The following AGK variants were observed in gnomAD, a reference collection of about 807,000 sequenced individuals.
AGK encodes acylglycerol kinase, mitochondrial.
A neutral mutation model predicts 66.4 loss-of-function variants in AGK; 52 were observed. That is an observed-to-expected ratio of 0.78 (90% CI 0.63 to 0.99). The LOEUF is 0.99. Ranked by LOEUF, AGK falls within the 50% of genes least tolerant of loss-of-function variation. The pLI is 0.00. For missense variants in AGK, 451 were observed against 506.6 expected (o/e 0.89, Z 1.05); for synonymous variants, 182 against 181.1 (o/e 1.00, Z -0.04).
At chr7:141,609,154 A>G (rs1256030733) in intron 5 of AGK, among the ~76,000 whole-genome samples, 1 of 152,114 alleles carries the variant, frequency 6.6e-6, no homozygotes, top group African/African-American at 2.4e-5. Flanking sequence ...GTCATATAGG[A>G]CTTACTGGCT....
Position 141,563,876 on chromosome 7 carries a change from C to T in AGK, c.101+8309C>T, listed in dbSNP as rs1014168861. 3.3e-5 allele frequency among the ~76,000 whole-genome samples: 5 copies of T among 152,308 alleles called. No individual in the cohort carries two copies. In the South Asian group the frequency reaches 8.3e-4, roughly 25 times the overall value. ...AGATTCCTTGATCCAACACATCATA[C>T]GTTCCTCAACTCCATTTTTCACATG... On this transcript the variant is annotated intron_variant, in intron 2 of 15. Coordinates refer to ENST00000649286, the MANE Select transcript of AGK (RefSeq NM_018238.4).
intron 2 of AGK, among the ~76,000 whole-genome samples, chr7:141,578,090 A>T (rs549765008): frequency 3.9e-5 from 6 of 152,164 alleles, no homozygotes; most frequent in Non-Finnish European, 8.8e-5. Flanking sequence ...ACGCGCGTCC[A>T]TGTGAAGAGA....
rs116890958 is a variant in AGK at position 141,587,838 on chromosome 7, G to A, written c.102-5308G>A. ...ACTTCACTAGGACAGGGAATGTTGG[G>A]CTTATTCACCAGCGTGTCCAAGACA... On this transcript the variant is annotated intron_variant, in intron 2 of 15. Coordinates refer to ENST00000649286, the MANE Select transcript of AGK (RefSeq NM_018238.4). Among the ~76,000 whole-genome samples the A allele has an allele frequency of 9.5e-4, 144 of 152,280 alleles. 3 individuals carry two copies. The East Asian group carries it at 0.024, about 25-fold the overall frequency.
chr7:141,634,970 T>A (rs1188906090), intron 10 of AGK, among the ~76,000 whole-genome samples: 1 of 152,176 alleles, frequency 6.6e-6, no homozygotes, highest in African/African-American at 2.4e-5. Flanking sequence ...ATTTCACATC[T>A]TTTTATTTGC....
At chr7:141,602,014 G>C (rs997550217) in intron 5 of AGK, among the ~76,000 whole-genome samples, 5 of 151,206 alleles carry the variant, frequency 3.3e-5, no homozygotes, top group African/African-American at 1.2e-4. Context: ...GGGGGTAGGA[G>C]AAAGGGGAAG....
In AGK at chr7:141,566,554, T is replaced by C. The variant is rs190543501; in HGVS notation, c.101+10987T>C. Among the ~76,000 whole-genome samples, 295 of 152,336 alleles carry C rather than the reference T, an allele frequency of 1.9e-3. 1 individual carries two copies. The highest frequency in any genetic ancestry group is 7.7e-3 in the South Asian group (37 of 4,822). On this transcript the variant is annotated intron_variant, in intron 2 of 15. Coordinates refer to ENST00000649286, the MANE Select transcript of AGK (RefSeq NM_018238.4). The stretch of plus-strand genomic sequence containing the variant: ...GGTTACTCTTTCAATTTCTACAACA[T>C]TTATTTTGAAATACTCATGAATTTC...
At chr7:141,573,132 T>C (rs1795649427) in intron 2 of AGK, among the ~76,000 whole-genome samples, 1 of 152,190 alleles carries the variant, frequency 6.6e-6, no homozygotes, top group African/African-American at 2.4e-5. Context: ...CATTTCAAAG[T>C]TTATCTTTTT....
chr7:141,603,419 C>T (rs1365923975), intron 5 of AGK, among the ~76,000 whole-genome samples: 7 of 152,076 alleles, frequency 4.6e-5, no homozygotes, highest in Non-Finnish European at 1.0e-4. Flanking sequence ...TTGTGATAGT[C>T]TATCTTATCT....
At chr7:141,637,740 A>C (rs1797204393) in intron 11 of AGK, among the ~76,000 whole-genome samples, 1 of 152,218 alleles carries the variant, frequency 6.6e-6, no homozygotes, top group African/African-American at 2.4e-5. Flanking sequence ...TTCCAATGTT[A>C]ATATTCAGAG....
At chr7:141,622,960 G>A (rs1409425287) in intron 9 of AGK, among the ~76,000 whole-genome samples, 1 of 152,116 alleles carries the variant, frequency 6.6e-6, no homozygotes, top group Non-Finnish European at 1.5e-5. Context: ...TATGCTTAGT[G>A]AGAAAGGCAT....
intron 2 of AGK, among the ~76,000 whole-genome samples, chr7:141,589,685 C>G (rs891284365): frequency 7.9e-4 from 120 of 152,236 alleles, no homozygotes; most frequent in African/African-American, 2.8e-3. Flanking sequence ...CTCAGCCTCC[C>G]AAGTAGCTGG....
intron 1 of AGK, among the ~76,000 whole-genome samples, chr7:141,554,684 A>C (rs1214416424): frequency 6.6e-6 from 1 of 152,230 alleles, no homozygotes; most frequent in Non-Finnish European, 1.5e-5. Flanking sequence ...GCAAATGAAT[A>C]TAAGCATCAC....
At chr7:141,634,830 C>CT (rs57395722) in intron 10 of AGK, among the ~76,000 whole-genome samples, 5,823 of 136,924 alleles carry the variant, frequency 0.043, 137 homozygotes, top group African/African-American at 0.053. Context: ...GCCTGCCATG[C>CT]TTTTTTTTTT....
chr7:141,596,548 CT>C lies in AGK; in HGVS notation c.142-10del, dbSNP rs1562968347. The C allele has an allele frequency of 6.2e-7, 1 of 1,612,766 alleles. No homozygotes were observed. The highest frequency in any genetic ancestry group is 2.2e-5 in the East Asian group (1 of 44,846). On this transcript the variant is annotated splice_polypyrimidine_tract_variant and intron_variant, in intron 3 of 15. Coordinates refer to ENST00000649286, the MANE Select transcript of AGK (RefSeq NM_018238.4). ...ATGGACTTTTACTGAAAACTTTGCT[CT>C]TTTCTTTTTTAGGTGTTTGGCAATC...
intron 2 of AGK, among the ~76,000 whole-genome samples, chr7:141,578,227 T>A (rs949419722): frequency 6.7e-6 from 1 of 148,776 alleles, no homozygotes; most frequent in Non-Finnish European, 1.5e-5. Context: ...GGGTGGATAG[T>A]GGAAAATTAC....
intron 8 of AGK, among the ~76,000 whole-genome samples, chr7:141,618,405 G>T (rs1429314436): frequency 6.6e-6 from 1 of 152,146 alleles, no homozygotes; most frequent in East Asian, 1.9e-4. Flanking sequence ...ATGCACACTA[G>T]TAGTACCTAC....
intron 9 of AGK, 56 bp downstream of exon 9, chr7:141,621,857 T>C (rs1796833269): frequency 7.7e-7 from 1 of 1,295,970 alleles, no homozygotes; most frequent in Non-Finnish European, 1.1e-6. Context: ...CGCTTACATG[T>C]TAAAGAAAAT....
intron 4 of AGK, chr7:141,596,896 T>C: frequency 2.2e-6 from 1 of 447,392 alleles, no homozygotes; most frequent in Middle Eastern, 4.4e-4. Flanking sequence ...ATGTCTTATT[T>C]GCTTGGAAGT....
At chr7:141,596,684 G>A in intron 4 of AGK, 43 bp downstream of exon 4, 1 of 1,559,800 alleles carries the variant, frequency 6.4e-7, no homozygotes, top group Non-Finnish European at 8.8e-7. Flanking sequence ...TTTTTCTAAG[G>A]GGGAAAGAAA....
Sources: allele counts gnomAD v4.1 joint callset (sites outside exome capture counted in the v4.1 genomes callset), GRCh38; gene constraint gnomAD v4.1.1; transcripts MANE v1.5; gene names NCBI Gene and HGNC (gene_info 2026-07-23, HGNC 2026-07-21).